Variants in THSD7A observed in about 807,000 individuals in gnomAD.
THSD7A encodes the protein thrombospondin type-1 domain-containing protein 7A.
Under a neutral mutation model 231.3 loss-of-function variants are expected in THSD7A, and 96 were observed. That is an observed-to-expected ratio of 0.41 (90% confidence interval 0.35 to 0.49). The LOEUF is 0.49. Among genes scored for constraint, THSD7A ranks in the 20% least tolerant of loss-of-function variants. The probability of loss-of-function intolerance (pLI) is 0.05; values close to 1 mark genes in which losing one functional copy is unlikely to be tolerated. For synonymous variants in THSD7A, 940 were observed against 743.3 expected, an observed-to-expected ratio of 1.26 and a Z score of -4.30; for missense variants, 2,290 against 2,070.2, an observed-to-expected ratio of 1.11 and a Z score of -2.06.
At chr7:11,726,145 A>C (rs977770152) in intron 1 of THSD7A, among the ~76,000 whole-genome samples, 1 of 152,018 alleles carries the variant, frequency 6.6e-6, no homozygotes, top group Non-Finnish European at 1.5e-5. Flanking sequence ...TGATGTATGC[A>C]CTGCCAAATA....
chr7:11,414,394 A>G (rs568751822), intron 17 of THSD7A, among the ~76,000 whole-genome samples: 1 of 152,212 alleles, frequency 6.6e-6, no homozygotes, highest in Non-Finnish European at 1.5e-5. Context: ...TTTGTTTTTT[A>G]TAAATATTCA....
intron 6 of THSD7A, among the ~76,000 whole-genome samples, chr7:11,513,100 C>T (rs558743134): frequency 4.6e-5 from 7 of 151,418 alleles, no homozygotes; most frequent in Non-Finnish European, 8.8e-5. Context: ...TAGGTGGGAG[C>T]TGAGCTATGA....
chr7:11,665,496 C>G (rs1783096188), intron 1 of THSD7A, among the ~76,000 whole-genome samples: 1 of 152,146 alleles, frequency 6.6e-6, no homozygotes, highest in Non-Finnish European at 1.5e-5. Context: ...ACATTCCACA[C>G]TCAAAAGCTG....
intron 1 of THSD7A, among the ~76,000 whole-genome samples, chr7:11,728,594 G>A (rs1429840317): frequency 2.6e-5 from 4 of 151,828 alleles, no homozygotes; most frequent in Non-Finnish European, 5.9e-5. Flanking sequence ...TAGCTAATGA[G>A]AAATTGATAA....
intron 15 of THSD7A, among the ~76,000 whole-genome samples, chr7:11,426,074 T>TAA (rs140925193): frequency 1.7e-3 from 256 of 148,136 alleles, no homozygotes; most frequent in East Asian, 0.012. Context: ...AAAAAAACAT[T>TAA]AAAAAAAAAA....
At chr7:11,820,532 C>G in intron 1 of THSD7A, 1 of 754,662 alleles carries the variant, frequency 1.3e-6, no homozygotes, top group Non-Finnish European at 2.2e-6. Flanking sequence ...ACTCCTCTTA[C>G]CGGTTTCTTT....
At chr7:11,753,271 A>G (rs759981583) in intron 1 of THSD7A, among the ~76,000 whole-genome samples, 2 of 152,092 alleles carry the variant, frequency 1.3e-5, no homozygotes, top group Admixed American at 6.6e-5. Flanking sequence ...ATTAATTTGC[A>G]TTTCTAAACT....
At chr7:11,819,001 C>T (rs1473733479) in intron 1 of THSD7A, among the ~76,000 whole-genome samples, 1 of 152,152 alleles carries the variant, frequency 6.6e-6, no homozygotes, top group Non-Finnish European at 1.5e-5. Flanking sequence ...TGGCTACCTA[C>T]TCTTGCTACT....
intron 6 of THSD7A, among the ~76,000 whole-genome samples, chr7:11,541,030 A>G (rs1789124340): frequency 6.6e-6 from 1 of 152,074 alleles, no homozygotes; most frequent in South Asian, 2.1e-4. Context: ...AATGCTTACA[A>G]CCCTTTTTTG....
At chr7:11,443,119 T>C (rs902197103) in intron 13 of THSD7A, among the ~76,000 whole-genome samples, 1 of 152,126 alleles carries the variant, frequency 6.6e-6, no homozygotes, top group Non-Finnish European at 1.5e-5. Flanking sequence ...TTGCTGATGC[T>C]CTCATGCATC....
Position 11,504,227 on chromosome 7 carries a change from C to A in THSD7A, c.1823-22245G>T, listed in dbSNP as rs182407214. On this transcript the variant is annotated intron_variant, in intron 6 of 27. Coordinates refer to ENST00000423059, the MANE Select transcript of THSD7A (RefSeq NM_015204.3). Reference sequence around the variant, plus strand: ...TGCAGGAACAGAAAATCAAATACCACATGCTTTCACCTATAAGTGGGAGCT... The same window carrying A: ...TGCAGGAACAGAAAATCAAATACCAAATGCTTTCACCTATAAGTGGGAGCT... Among the ~76,000 whole-genome samples the A allele has an allele frequency of 5.2e-3, 789 of 152,260 alleles. 4 individuals are homozygous for A. Among genetic ancestry groups the A allele is most frequent in the Non-Finnish European group, 7.3e-3 (497 of 68,004 alleles).
chr7:11,821,075 G>A lies in THSD7A; in HGVS notation c.190+10682C>T, dbSNP rs1290806276. On this transcript the variant is annotated intron_variant, in intron 1 of 27. Transcript: ENST00000423059. ...CCAAACCATGTTTTATGAAAGTACT[G>A]CGGGAAATGTCTATTGTCCTGTAAC... 35 of 985,916 alleles carry A rather than the reference G, an allele frequency of 3.6e-5. No individual in the cohort carries two copies. The South Asian group carries it at 4.1e-4, about 12-fold the overall frequency. 61.1% of individuals were successfully genotyped at this position (985,916 alleles called of 1,614,324 possible).
At chr7:11,434,167 A>T (rs932027095) in intron 13 of THSD7A, among the ~76,000 whole-genome samples, 1 of 152,066 alleles carries the variant, frequency 6.6e-6, no homozygotes, top group Non-Finnish European at 1.5e-5. Flanking sequence ...GGAAAGAAAG[A>T]AAAACATTTA....
At position 11,632,272 on chromosome 7, in the gene THSD7A, AT is replaced by A. The variant is rs1414434349; in HGVS notation, c.1022+3857del. 5.3e-5 allele frequency among the ~76,000 whole-genome samples: 8 copies of A among 151,956 alleles called. No homozygotes were observed. Among genetic ancestry groups the A allele is most frequent in the Non-Finnish European group, 1.2e-4 (8 of 67,966 alleles). ...GACAAGCACAACTACATCCTTTTCT[AT>A]TTTTCCAAGTCTAGTGTTAAGTGCA... On this transcript the variant is annotated intron_variant, in intron 2 of 27. Coordinates refer to ENST00000423059, the MANE Select transcript of THSD7A (RefSeq NM_015204.3). The surrounding 1 kb of genome is among the most constrained non-coding windows in gnomAD (Gnocchi z 4.1).
At chr7:11,677,916 T>G (rs1034372173) in intron 1 of THSD7A, among the ~76,000 whole-genome samples, 1 of 152,066 alleles carries the variant, frequency 6.6e-6, no homozygotes, top group African/African-American at 2.4e-5. Context: ...CACATAGCAC[T>G]TATTCTAAAA....
intron 4 of THSD7A, among the ~76,000 whole-genome samples, chr7:11,550,576 TGAA>T (rs1789587227): frequency 6.6e-6 from 1 of 152,170 alleles, no homozygotes; most frequent in Non-Finnish European, 1.5e-5. Context: ...TGCCATCTTG[TGAA>T]GAAGGTGCTT....
chr7:11,442,601 G>A (rs1340305194), intron 13 of THSD7A, among the ~76,000 whole-genome samples: 1 of 152,048 alleles, frequency 6.6e-6, no homozygotes, highest in African/African-American at 2.4e-5. Context: ...ATAATTAGGG[G>A]ATGACTGGGA....
chr7:11,752,995 A>G (rs1484852887), intron 1 of THSD7A, among the ~76,000 whole-genome samples: 1 of 152,084 alleles, frequency 6.6e-6, no homozygotes. Flanking sequence ...ACATAGTTCA[A>G]TTTTGTGTAA....
At position 11,375,407 on chromosome 7, in the gene THSD7A, GAAA is replaced by G; in HGVS notation, c.*384_*386del. 7.4e-5 allele frequency: 12 copies of G among 163,124 alleles called. No individual in the cohort carries two copies. The highest frequency in any genetic ancestry group is 5.7e-4 in the South Asian group (3 of 5,258). The allele number at this position is 163,124 out of a possible 1,614,324, so 10.1% of individuals were successfully genotyped here. ...CCATAGTATTGTGGAGATCTTGGTAGAAACTCTTCATGCTAGGAAGTTTTATGG... is the reference window on the plus strand; with the variant it reads ...CCATAGTATTGTGGAGATCTTGGTAGCTCTTCATGCTAGGAAGTTTTATGG... On this transcript the variant is annotated 3_prime_UTR_variant, in exon 28 of 28. Transcript: ENST00000423059.
Sources: allele counts gnomAD v4.1 joint callset (sites outside exome capture counted in the v4.1 genomes callset), GRCh38; gene constraint gnomAD v4.1.1; non-coding constraint Gnocchi (gnomAD v3.1); transcripts MANE v1.5; gene names NCBI Gene and HGNC (gene_info 2026-07-23, HGNC 2026-07-21).